NOS1AP: variants seen among roughly 807,000 people sequenced by gnomAD.
The protein encoded by NOS1AP is carboxyl-terminal PDZ ligand of neuronal nitric oxide synthase protein.
In NOS1AP, 21 loss-of-function variants were observed where a neutral mutation model predicts 56.2. That is an observed-to-expected ratio of 0.37 (90% CI 0.26 to 0.54). The LOEUF (loss-of-function observed/expected upper bound fraction) is 0.54, where lower values mean the gene tolerates loss of function less well. Among genes scored for constraint, NOS1AP ranks in the 20% least tolerant of loss-of-function variants. NOS1AP has a pLI of 0.84. For synonymous variants in NOS1AP, 270 were observed against 274.6 expected, an observed-to-expected ratio of 0.98 and a Z score of 0.17; for missense variants, 522 against 657.8, an observed-to-expected ratio of 0.79 and a Z score of 2.26.
chr1:162,069,839 A>C lies in NOS1AP; in HGVS notation c.-339A>C. 1 of 156,894 alleles carries C rather than the reference A, an allele frequency of 6.4e-6. No individual in the cohort carries two copies. Among genetic ancestry groups the C allele is most frequent in the Non-Finnish European group, 1.4e-5 (1 of 71,058 alleles). 9.7% of individuals were successfully genotyped at this position (156,894 alleles called of 1,614,324 possible). On this transcript the variant is annotated 5_prime_UTR_variant, in exon 1 of 10. Transcript: ENST00000361897. ...CTGCTCTGGGGCCGGCGCCGCGCCC[A>C]GTCCCGCTTCGGGCCGCAAGCCCCA...
Position 162,133,484 on chromosome 1 carries a change from A to G in NOS1AP, c.106-20921A>G, listed in dbSNP as rs149278471. On this transcript the variant is annotated intron_variant, in intron 1 of 9. Transcript: ENST00000361897. ...TACTCTCTTGCTGTCTTATTATTCT[A>G]AAAGTGTGATATTTTATGTGAACTA... 3.7e-3 allele frequency among the ~76,000 whole-genome samples: 570 copies of G among 152,344 alleles called. 4 individuals carry two copies. The highest frequency in any genetic ancestry group is 7.3e-3 in the Admixed American group (112 of 15,306).
chr1:162,253,640 G>A (rs1357537777), intron 2 of NOS1AP, among the ~76,000 whole-genome samples: 2 of 152,172 alleles, frequency 1.3e-5, no homozygotes, highest in Non-Finnish European at 2.9e-5. Flanking sequence ...AGCTATAACA[G>A]TTTTGTCCTT....
At chr1:162,180,445 C>T (rs1233342232) in intron 2 of NOS1AP, among the ~76,000 whole-genome samples, 1 of 152,104 alleles carries the variant, frequency 6.6e-6, no homozygotes, top group East Asian at 1.9e-4. Context: ...GCGCTTTCAC[C>T]GTGTTAGCCA....
intron 2 of NOS1AP, among the ~76,000 whole-genome samples, chr1:162,182,569 T>C (rs1651299031): frequency 6.6e-6 from 1 of 152,220 alleles, no homozygotes; most frequent in African/African-American, 2.4e-5. Flanking sequence ...TTTGATAGCA[T>C]TACAGTAGAA....
intron 1 of NOS1AP, among the ~76,000 whole-genome samples, chr1:162,116,307 C>T (rs1647947822): frequency 6.6e-6 from 1 of 152,178 alleles, no homozygotes; most frequent in Non-Finnish European, 1.5e-5. Flanking sequence ...CCTTTCTGTC[C>T]AGTGCTTCCA....
intron 4 of NOS1AP, among the ~76,000 whole-genome samples, chr1:162,318,976 C>G (rs1571215364): frequency 6.6e-6 from 1 of 152,172 alleles, no homozygotes; most frequent in Non-Finnish European, 1.5e-5. Flanking sequence ...CTTGTGTCCA[C>G]CTGCTCTCCC....
rs35920520 is a variant in NOS1AP, at chr1:162,221,534, GCACACACACACA to G, written c.178-65782_178-65771del. ...AACACACACACGCACACACACGCGCGCACACACACACACACACACACACACACACACACACAC... is the reference window on the plus strand; with the variant it reads ...AACACACACACGCACACACACGCGCGCACACACACACACACACACACACAC... On this transcript the variant is annotated intron_variant, in intron 2 of 9. Coordinates refer to ENST00000361897, the MANE Select transcript of NOS1AP (RefSeq NM_014697.3). Among the ~76,000 whole-genome samples, 49 of 73,464 alleles carry G rather than the reference GCACACACACACA, an allele frequency of 6.7e-4. No individual in the cohort carries two copies. The East Asian group carries it at 0.028, about 42-fold the overall frequency. 48.2% of individuals were successfully genotyped at this position (73,464 alleles called of 152,430 possible).
chr1:162,187,977 T>C (rs1469581962), intron 2 of NOS1AP, among the ~76,000 whole-genome samples: 3 of 152,174 alleles, frequency 2.0e-5, no homozygotes, highest in African/African-American at 7.2e-5. Context: ...AAGTAAAATG[T>C]GGTGGTATAA....
chr1:162,289,771 A>C (rs1474203458), intron 3 of NOS1AP, among the ~76,000 whole-genome samples: 1 of 152,130 alleles, frequency 6.6e-6, no homozygotes, highest in African/African-American at 2.4e-5. Flanking sequence ...CACTGAACCC[A>C]GCCTGTTGAC....
At chr1:162,237,092 G>A (rs551100926) in intron 2 of NOS1AP, among the ~76,000 whole-genome samples, 1 of 152,328 alleles carries the variant, frequency 6.6e-6, no homozygotes, top group East Asian at 1.9e-4. Context: ...GCTCACCTTT[G>A]CTGGAGAGGG....
At chr1:162,202,334 G>C (rs1427550693) in intron 2 of NOS1AP, among the ~76,000 whole-genome samples, 2 of 152,084 alleles carry the variant, frequency 1.3e-5, no homozygotes, top group Non-Finnish European at 2.9e-5. Context: ...TTCAGAAGCA[G>C]CCACTACTAG....
chr1:162,113,929 C>A (rs1370739587), intron 1 of NOS1AP, among the ~76,000 whole-genome samples: 3 of 151,266 alleles, frequency 2.0e-5, no homozygotes, highest in African/African-American at 2.4e-5. Flanking sequence ...AAAAAAAAAA[C>A]AATTTTATGA....
At chr1:162,135,869 T>C (rs1648974482) in intron 1 of NOS1AP, among the ~76,000 whole-genome samples, 1 of 152,206 alleles carries the variant, frequency 6.6e-6, no homozygotes, top group Admixed American at 6.5e-5. Flanking sequence ...ATTGATTATT[T>C]TGTAGTGGGA....
chr1:162,257,199 A>G lies in NOS1AP; in HGVS notation c.178-30145A>G, dbSNP rs148917879. Among the ~76,000 whole-genome samples, 102 of 152,312 alleles carry G rather than the reference A, an allele frequency of 6.7e-4. 1 individual carries two copies. Among genetic ancestry groups the G allele is most frequent in the South Asian group, 3.5e-3 (17 of 4,822 alleles). On this transcript the variant is annotated intron_variant, in intron 2 of 9. Coordinates refer to ENST00000361897, the MANE Select transcript of NOS1AP (RefSeq NM_014697.3). ...AGCAGAACTTTCTGGTTGGAGGAAT[A>G]TTTAGAAAGGAAGCATTGCCCAGAG... is the stretch of plus-strand genomic sequence containing the variant.
intron 4 of NOS1AP, among the ~76,000 whole-genome samples, chr1:162,322,233 T>C (rs1229437973): frequency 6.6e-6 from 1 of 152,274 alleles, no homozygotes; most frequent in East Asian, 1.9e-4. Context: ...CAGTGGCTTG[T>C]CATCTTATCT....
At chr1:162,108,983 C>G (rs1376103706) in intron 1 of NOS1AP, among the ~76,000 whole-genome samples, 4 of 152,190 alleles carry the variant, frequency 2.6e-5, no homozygotes, top group Non-Finnish European at 4.4e-5. Context: ...GCTGGCGAGG[C>G]TTCAGAATCA....
intron 4 of NOS1AP, among the ~76,000 whole-genome samples, chr1:162,328,357 G>A (rs752438171): frequency 6.6e-6 from 1 of 152,052 alleles, no homozygotes; most frequent in Non-Finnish European, 1.5e-5. Context: ...CATGTACCCC[G>A]GAACTTAAAA....
intron 1 of NOS1AP, among the ~76,000 whole-genome samples, chr1:162,102,852 G>T (rs1169072295): frequency 6.6e-6 from 1 of 151,772 alleles, no homozygotes; most frequent in East Asian, 1.9e-4. Context: ...CTGGCTAGTG[G>T]TCTATTTTAT....
intron 2 of NOS1AP, among the ~76,000 whole-genome samples, chr1:162,179,595 G>A (rs1474754790): frequency 1.3e-5 from 2 of 152,180 alleles, no homozygotes; most frequent in Non-Finnish European, 2.9e-5. Context: ...CAGTGAGAAT[G>A]TAAAGAAACA....
Sources: gnomAD v4.1 joint callset for allele counts (sites outside exome capture counted in the v4.1 genomes callset) on GRCh38, gnomAD v4.1.1 for gene constraint, MANE v1.5 for transcripts, NCBI Gene and HGNC (gene_info 2026-07-23, HGNC 2026-07-21) for gene names.